ANKRD30B: variants seen among roughly 807,000 people sequenced by gnomAD.
ANKRD30B encodes the protein ankyrin repeat domain-containing protein 30B.
ANKRD30B carries 144 observed loss-of-function variants against 202.2 expected under a neutral mutation model. The ratio of observed to expected loss-of-function variants is 0.71; its 90% CI spans 0.62 to 0.82. ANKRD30B has a LOEUF of 0.82. ANKRD30B is among the 40% of genes least tolerant of loss of function. ANKRD30B has a pLI of 0.00. For synonymous variants in ANKRD30B, 508 were observed against 561.3 expected (o/e 0.91, Z 1.34); for missense variants, 1,487 against 1,669.1 (o/e 0.89, Z 1.90).
At chr18:14,833,333 C>T (rs552542493) in intron 34 of ANKRD30B, among the ~76,000 whole-genome samples, 3 of 152,228 alleles carry the variant, frequency 2.0e-5, no homozygotes, top group South Asian at 4.1e-4. Context: ...CTTGCAAGCC[C>T]CACCTCCCGG....
the ANKRD30B span, among the ~76,000 whole-genome samples, chr18:14,886,876 A>G: frequency 6.6e-6 from 1 of 152,104 alleles, no homozygotes; most frequent in Non-Finnish European, 1.5e-5. Flanking sequence ...TCAGAATACC[A>G]TTCATGCTCT....
chr18:14,913,792 G>T, the ANKRD30B span, among the ~76,000 whole-genome samples: 1 of 152,172 alleles, frequency 6.6e-6, no homozygotes, highest in Admixed American at 6.5e-5. Context: ...TCTGGGATGT[G>T]TTTCCCATGT....
chr18:14,840,796 CA>C, intron 37 of ANKRD30B, 118 bp downstream of exon 37: 1 of 492,824 alleles, frequency 2.0e-6, no homozygotes, highest in Non-Finnish European at 3.6e-6. Flanking sequence ...CATGGAAGAA[CA>C]AAGGCAGTGA....
intron 42 of ANKRD30B, chr18:14,852,840 A>G (rs1030276381): frequency 2.6e-5 from 4 of 153,002 alleles, no homozygotes; most frequent in African/African-American, 9.6e-5. Context: ...AATTTTCCAG[A>G]GGAACAGAAG....
intron 33 of ANKRD30B, 54 bp downstream of exon 33, chr18:14,828,362 AAAG>A: frequency 8.0e-7 from 1 of 1,245,114 alleles, no homozygotes; most frequent in Non-Finnish European, 1.1e-6. Context: ...AATATAGAGA[AAAG>A]AAATCACTAT....
intron 16 of ANKRD30B, among the ~76,000 whole-genome samples, chr18:14,795,544 A>G (rs1968817325): frequency 6.6e-6 from 1 of 152,160 alleles, no homozygotes; most frequent in South Asian, 2.1e-4. Flanking sequence ...GTATAAGTGG[A>G]TCAGGAAATT....
At chr18:14,787,427 A>C (rs1045211214) in intron 15 of ANKRD30B, among the ~76,000 whole-genome samples, 1 of 152,210 alleles carries the variant, frequency 6.6e-6, no homozygotes, top group South Asian at 2.1e-4. Context: ...CTATGGGCAA[A>C]TACATGATTC....
intron 12 of ANKRD30B, among the ~76,000 whole-genome samples, chr18:14,783,519 A>C (rs997178096): frequency 6.6e-6 from 1 of 152,160 alleles, no homozygotes; most frequent in Non-Finnish European, 1.5e-5. Flanking sequence ...CATTCCAAAA[A>C]AATTTATTAT....
At chr18:14,894,777 C>T in the ANKRD30B span, among the ~76,000 whole-genome samples, 4 of 150,822 alleles carry the variant, frequency 2.7e-5, no homozygotes, top group Non-Finnish European at 5.9e-5. Flanking sequence ...CTATAGATTC[C>T]ATTCATTTTA....
At chr18:14,806,978 G>C (rs1474867402) in intron 24 of ANKRD30B, among the ~76,000 whole-genome samples, 1 of 150,836 alleles carries the variant, frequency 6.6e-6, no homozygotes, top group Non-Finnish European at 1.5e-5. Context: ...AATTAAAGCG[G>C]GTTTTTATTT....
At chr18:14,794,739 G>C (rs1031665212) in intron 16 of ANKRD30B, among the ~76,000 whole-genome samples, 1 of 151,996 alleles carries the variant, frequency 6.6e-6, no homozygotes, top group Non-Finnish European at 1.5e-5. Flanking sequence ...GCCTTAAATC[G>C]CTTGGACATA....
At position 14,763,800 on chromosome 18, in the gene ANKRD30B, GA is replaced by G; in HGVS notation, c.937del (p.Thr313ArgfsTer28). The G allele has an allele frequency of 1.2e-6, 2 of 1,613,830 alleles. No individual in the cohort carries two copies. Among genetic ancestry groups the G allele is most frequent in the Non-Finnish European group, 1.7e-6 (2 of 1,179,926 alleles). ...GACGAGGCTGCACGCTTGGTGGAGG[GA>G]ACGTCTGCCAAAATTCAATGTCTGG... ...TPDEAARLVE[G>X]TSAKIQCLGK... On this transcript the variant is annotated frameshift_variant, in exon 7 of 44. Coordinates refer to ENST00000690538, the MANE Select transcript of ANKRD30B (RefSeq NM_001367607.2). LOFTEE classifies it high-confidence loss of function.
chr18:14,759,692 T>C (rs2143697578), intron 5 of ANKRD30B, among the ~76,000 whole-genome samples: 1 of 152,320 alleles, frequency 6.6e-6, no homozygotes, highest in African/African-American at 2.4e-5. Context: ...CTTGGTGTGA[T>C]TGATGAGGTC....
intron 30 of ANKRD30B, among the ~76,000 whole-genome samples, chr18:14,818,531 TC>T (rs71367971): frequency 0.28 from 31,717 of 114,778 alleles, 5,189 homozygotes; most frequent in Middle Eastern, 0.43. Context: ...CCTACAACAG[TC>T]CCCAGAGTGT....
intron 15 of ANKRD30B, among the ~76,000 whole-genome samples, chr18:14,790,040 T>A (rs1568013289): frequency 6.6e-6 from 1 of 152,200 alleles, no homozygotes; most frequent in Admixed American, 6.5e-5. Context: ...TGTTCTTCCA[T>A]TTGTTTGTAT....
intron 34 of ANKRD30B, among the ~76,000 whole-genome samples, chr18:14,836,707 T>G (rs1971190873): frequency 6.6e-6 from 1 of 152,154 alleles, no homozygotes; most frequent in Non-Finnish European, 1.5e-5. Context: ...ATTTTATCTC[T>G]TTAACTCATT....
chr18:14,809,063 A>G (rs1353167900), intron 26 of ANKRD30B, among the ~76,000 whole-genome samples: 2 of 144,372 alleles, frequency 1.4e-5, no homozygotes, highest in Non-Finnish European at 3.0e-5. Context: ...AGCTGGGTCC[A>G]GGGGAATCAC....
rs1044022884 is a variant in ANKRD30B at position 14,852,392 on chromosome 18, A to G, written c.4448A>G (p.Gln1483Arg). 1.0e-5 allele frequency: 16 copies of G among 1,524,742 alleles called. No homozygotes were observed. Among genetic ancestry groups the G allele is most frequent in the African/African-American group, 1.4e-5 (1 of 71,108 alleles). The allele number at this position is 1,524,742 out of a possible 1,614,324, so 94.5% of individuals were successfully genotyped here. Residue 1483 changes from glutamine to arginine, a missense_variant, in exon 42 of 44, where the codon CAA becomes CGA. Gln to Arg is a conservative substitution (Grantham distance 43). Around this residue, in one of 6 missense-constraint regions of ANKRD30B, gnomAD observed 182 missense variants for 216.0 expected, o/e 0.84. Transcript: ENST00000690538. ...YGNHLKERIDQYEKEKAEREV... is the reference protein window; with the variant it reads ...YGNHLKERIDRYEKEKAEREV... ...AACCATTTAAAAGAACGTATAGATCAATATGAAAAAGAGAAAGCAGAAAGA... is the reference window on the plus strand; with the variant it reads ...AACCATTTAAAAGAACGTATAGATCGATATGAAAAAGAGAAAGCAGAAAGA...
At chr18:14,838,260 G>T (rs1455710313) in intron 36 of ANKRD30B, among the ~76,000 whole-genome samples, 1 of 150,848 alleles carries the variant, frequency 6.6e-6, no homozygotes, top group Non-Finnish European at 1.5e-5. Context: ...ATGAGCAACT[G>T]TATGATTCTG....
Sources: allele counts gnomAD v4.1 joint callset (sites outside exome capture counted in the v4.1 genomes callset), GRCh38; gene constraint gnomAD v4.1.1; regional missense constraint gnomAD v4.1.1; transcripts MANE v1.5; gene names NCBI Gene and HGNC (gene_info 2026-07-23, HGNC 2026-07-21).